ALPK2: variants seen among roughly 807,000 people sequenced by gnomAD.
The protein encoded by ALPK2 is alpha kinase 2.
In ALPK2, 127 loss-of-function variants were observed where a neutral mutation model predicts 163.1. That is an observed-to-expected ratio of 0.78 (90% confidence interval 0.67 to 0.90). The LOEUF is 0.90. Among genes scored for constraint, ALPK2 ranks in the 40% least tolerant of loss-of-function variants. The probability of loss-of-function intolerance (pLI) is 0.00; values close to 1 mark genes in which losing one functional copy is unlikely to be tolerated. For missense variants in ALPK2, 2,360 were observed against 2,589.6 expected (o/e 0.91, Z 1.92); for synonymous variants, 953 against 959.1 (o/e 0.99, Z 0.12).
intron 4 of ALPK2, among the ~76,000 whole-genome samples, chr18:58,550,816 A>G (rs1420228454): frequency 7.0e-6 from 1 of 142,056 alleles, no homozygotes; most frequent in African/African-American, 2.7e-5. Flanking sequence ...CCTCATCCCT[A>G]TCTCCATCAT....
At chr18:58,546,733 G>C (rs983190554) in intron 4 of ALPK2, among the ~76,000 whole-genome samples, 7 of 152,162 alleles carry the variant, frequency 4.6e-5, no homozygotes, top group African/African-American at 1.7e-4. Flanking sequence ...AAAAACGGCT[G>C]TCTTCTTTTC....
intron 4 of ALPK2, among the ~76,000 whole-genome samples, chr18:58,562,410 GGTAA>G (rs2051830023): frequency 6.6e-6 from 1 of 152,114 alleles, no homozygotes; most frequent in African/African-American, 2.4e-5. Flanking sequence ...GCTTATTTTT[GGTAA>G]GTAACAATTC....
At chr18:58,526,529 A>G (rs2051586017) in intron 6 of ALPK2, among the ~76,000 whole-genome samples, 2 of 152,166 alleles carry the variant, frequency 1.3e-5, no homozygotes, top group Admixed American at 1.3e-4. Context: ...CTACGTGGAC[A>G]GCTGCCCTTT....
intron 4 of ALPK2, among the ~76,000 whole-genome samples, chr18:58,577,644 C>T (rs776728801): frequency 6.6e-6 from 1 of 152,194 alleles, no homozygotes; most frequent in Non-Finnish European, 1.5e-5. Flanking sequence ...GAATCTGGTT[C>T]TCCTGTGAAA....
At position 58,503,695 on chromosome 18, in the gene ALPK2, TC is replaced by T. The variant is rs983293764; in HGVS notation, c.6247+235del. On this transcript the variant is annotated intron_variant, in intron 11 of 12. Coordinates refer to ENST00000361673, the MANE Select transcript of ALPK2 (RefSeq NM_052947.4). ...GCCTGGGTGACAGAGTGAGACCCTG[TC>T]CCCCCCTAGAATTTTTTTAAATAAA... 2.6e-5 allele frequency among the ~76,000 whole-genome samples: 4 copies of T among 151,984 alleles called. No homozygotes were observed. The East Asian group carries it at 7.7e-4, about 29-fold the overall frequency.
At chr18:58,517,474 G>A (rs1316707290) in intron 8 of ALPK2, among the ~76,000 whole-genome samples, 1 of 152,132 alleles carries the variant, frequency 6.6e-6, no homozygotes, top group African/African-American at 2.4e-5. Context: ...AATATAAGTG[G>A]AACCAAGCAA....
chr18:58,620,120 T>C (rs1476137650), intron 1 of ALPK2, among the ~76,000 whole-genome samples: 3 of 152,078 alleles, frequency 2.0e-5, no homozygotes, highest in Admixed American at 2.0e-4. Flanking sequence ...GTGAAACCTG[T>C]CTCTACTAAA....
chr18:58,538,519 G>A, intron 4 of ALPK2: 1 of 345,434 alleles, frequency 2.9e-6, no homozygotes, highest in Non-Finnish European at 5.3e-6. Context: ...GAAATAGATG[G>A]AAATAAATCG....
chr18:58,495,766 C>T (rs1164714944), intron 12 of ALPK2, among the ~76,000 whole-genome samples: 1 of 152,212 alleles, frequency 6.6e-6, no homozygotes, highest in Admixed American at 6.5e-5. Context: ...ATTTATCTAG[C>T]TCACTTCCAG....
chr18:58,556,557 G>A (rs935696059), intron 4 of ALPK2, among the ~76,000 whole-genome samples: 9 of 152,298 alleles, frequency 5.9e-5, no homozygotes, highest in South Asian at 4.1e-4. Context: ...TATTAGCTAC[G>A]GGGTGGTGGA....
intron 12 of ALPK2, among the ~76,000 whole-genome samples, chr18:58,496,190 A>T (rs1217301582): frequency 6.6e-6 from 1 of 152,174 alleles, no homozygotes; most frequent in African/African-American, 2.4e-5. Flanking sequence ...TACGATGCCA[A>T]GAAGCGAGGC....
intron 12 of ALPK2, among the ~76,000 whole-genome samples, chr18:58,491,544 T>C (rs2051374841): frequency 6.6e-6 from 1 of 152,134 alleles, no homozygotes; most frequent in African/African-American, 2.4e-5. Context: ...TCATTTAGTC[T>C]TGTGGCCCCC....
chr18:58,541,349 G>A (rs956884088), intron 4 of ALPK2, among the ~76,000 whole-genome samples: 3 of 152,204 alleles, frequency 2.0e-5, no homozygotes, highest in Non-Finnish European at 2.9e-5. Context: ...TCATTGTCAC[G>A]AGACCAGTAC....
intron 3 of ALPK2, among the ~76,000 whole-genome samples, chr18:58,589,950 G>T (rs145177685): frequency 9.0e-4 from 137 of 152,324 alleles, no homozygotes; most frequent in Non-Finnish European, 1.5e-3. Context: ...AGGTGCATTG[G>T]CTCATGCCTG....
chr18:58,501,515 GGGCTTAGGA>G (rs1469034921), intron 11 of ALPK2, among the ~76,000 whole-genome samples: 1 of 152,162 alleles, frequency 6.6e-6, no homozygotes, highest in African/African-American at 2.4e-5. Flanking sequence ...GTCCTTCCAA[GGGCTTAGGA>G]GGAAGAACCG....
intron 1 of ALPK2, 65 bp from the exon 2 acceptor site, chr18:58,611,882 T>C (rs2052134060): frequency 9.2e-7 from 1 of 1,081,760 alleles, no homozygotes; most frequent in African/African-American, 1.6e-5. Context: ...TTCTTAGGAA[T>C]TCCAGAAACC....
At chr18:58,582,949 T>A (rs966674825) in intron 3 of ALPK2, among the ~76,000 whole-genome samples, 2 of 152,136 alleles carry the variant, frequency 1.3e-5, no homozygotes, top group African/African-American at 4.8e-5. Context: ...GGTTCTTGTA[T>A]GTAGAGGCAG....
At chr18:58,502,181 A>AC (rs1568067744) in intron 11 of ALPK2, among the ~76,000 whole-genome samples, 13 of 112,406 alleles carry the variant, frequency 1.2e-4, no homozygotes, top group South Asian at 2.9e-4. Flanking sequence ...CACACACACA[A>AC]AGAAAAAAAA....
At chr18:58,568,715 A>G (rs2051869663) in intron 4 of ALPK2, among the ~76,000 whole-genome samples, 1 of 152,232 alleles carries the variant, frequency 6.6e-6, no homozygotes, top group African/African-American at 2.4e-5. Context: ...TCTCAGCAAT[A>G]GAGTATAACA....
Sources: gnomAD v4.1 joint callset for allele counts (sites outside exome capture counted in the v4.1 genomes callset) on GRCh38, gnomAD v4.1.1 for gene constraint, MANE v1.5 for transcripts, NCBI Gene and HGNC (gene_info 2026-07-23, HGNC 2026-07-21) for gene names.